The following ARHGAP24 variants were observed in gnomAD, a reference collection of about 807,000 sequenced individuals.
The protein encoded by ARHGAP24 is Rho GTPase activating protein 24.
Under a neutral mutation model 76.4 loss-of-function variants are expected in ARHGAP24, and 50 were observed. The ratio of observed to expected loss-of-function variants is 0.65; its 90% CI spans 0.52 to 0.83. The LOEUF is 0.83. ARHGAP24 is among the 40% of genes least tolerant of loss of function. The pLI is 0.00. For missense variants in ARHGAP24, 930 were observed against 914.2 expected, an observed-to-expected ratio of 1.02 and a Z score of -0.22; for synonymous variants, 345 against 323.3, an observed-to-expected ratio of 1.07 and a Z score of -0.72.
At chr4:85,928,956 G>T (rs781257837) in intron 4 of ARHGAP24, among the ~76,000 whole-genome samples, 2 of 152,210 alleles carry the variant, frequency 1.3e-5, no homozygotes, top group Admixed American at 1.3e-4. Flanking sequence ...AAGAGGCAAC[G>T]TGGTCAGGCA....
chr4:85,825,428 T>C (rs1461419437), intron 3 of ARHGAP24, among the ~76,000 whole-genome samples: 1 of 152,160 alleles, frequency 6.6e-6, no homozygotes, highest in Non-Finnish European at 1.5e-5. Context: ...TGTACTATAT[T>C]CCACACTACA....
intron 2 of ARHGAP24, among the ~76,000 whole-genome samples, chr4:85,688,414 T>C (rs1456844498): frequency 2.0e-5 from 3 of 152,166 alleles, no homozygotes; most frequent in Non-Finnish European, 2.9e-5. Flanking sequence ...TTTTTTTAAA[T>C]GGGATTATTT....
intron 3 of ARHGAP24, among the ~76,000 whole-genome samples, chr4:85,875,800 G>A (rs1732896857): frequency 6.7e-6 from 1 of 149,698 alleles, no homozygotes; most frequent in Non-Finnish European, 1.5e-5. Flanking sequence ...GGAGTGCAGT[G>A]GCACAATCTC....
chr4:85,983,574 C>G (rs1378448447), intron 8 of ARHGAP24, among the ~76,000 whole-genome samples: 1 of 152,158 alleles, frequency 6.6e-6, no homozygotes. Flanking sequence ...AGACGCTTCT[C>G]AAAAGAAGAT....
At chr4:85,748,161 T>C (rs909915746) in intron 3 of ARHGAP24, among the ~76,000 whole-genome samples, 3 of 152,250 alleles carry the variant, frequency 2.0e-5, no homozygotes, top group Admixed American at 1.3e-4. Flanking sequence ...GCTTTTGGCT[T>C]TGATGTCTTT....
chr4:85,760,315 T>C (rs72656289), intron 3 of ARHGAP24, among the ~76,000 whole-genome samples: 11,380 of 152,254 alleles, frequency 0.075, 488 homozygotes, highest in Middle Eastern at 0.099. Context: ...CTGAGATCTA[T>C]AGTAATATTA....
intron 3 of ARHGAP24, among the ~76,000 whole-genome samples, chr4:85,797,468 C>T (rs982954201): frequency 2.6e-5 from 4 of 152,202 alleles, no homozygotes; most frequent in South Asian, 4.1e-4. Context: ...CCACTGCGCC[C>T]GGCCGGCAAA....
intron 2 of ARHGAP24, among the ~76,000 whole-genome samples, chr4:85,606,680 GGTAA>G (rs1720206582): frequency 6.6e-6 from 1 of 151,936 alleles, no homozygotes; most frequent in Non-Finnish European, 1.5e-5. Context: ...GCAAATATTG[GGTAA>G]GTATGAACTA....
chr4:85,932,793 C>G (rs1409074674), intron 4 of ARHGAP24, among the ~76,000 whole-genome samples: 1 of 152,190 alleles, frequency 6.6e-6, no homozygotes, highest in Non-Finnish European at 1.5e-5. Context: ...AGCGGTTTTA[C>G]GCTTCCTTTC....
At chr4:85,653,988 A>AATTAT (rs1722041107) in intron 2 of ARHGAP24, among the ~76,000 whole-genome samples, 1 of 151,910 alleles carries the variant, frequency 6.6e-6, no homozygotes, top group Admixed American at 6.6e-5. Context: ...TTATTATTAT[A>AATTAT]ATTATAATAG....
chr4:85,547,563 G>T (rs1397833825), intron 1 of ARHGAP24, among the ~76,000 whole-genome samples: 2 of 152,052 alleles, frequency 1.3e-5, no homozygotes, highest in African/African-American at 4.8e-5. Flanking sequence ...AGCCTCTTGA[G>T]TAGCTGAGAC....
intron 3 of ARHGAP24, among the ~76,000 whole-genome samples, chr4:85,781,405 GA>G (rs200214798): frequency 7.9e-5 from 12 of 152,100 alleles, no homozygotes; most frequent in East Asian, 1.9e-4. Context: ...CTCTACAAAA[GA>G]AAAAAACTGG....
intron 3 of ARHGAP24, among the ~76,000 whole-genome samples, chr4:85,798,937 T>C (rs1267712433): frequency 6.6e-6 from 1 of 152,092 alleles, no homozygotes; most frequent in Non-Finnish European, 1.5e-5. Flanking sequence ...AATATTAGGC[T>C]TTAAAAGCAA....
At chr4:85,548,867 C>T (rs185272337) in intron 1 of ARHGAP24, among the ~76,000 whole-genome samples, 73 of 152,262 alleles carry the variant, frequency 4.8e-4, no homozygotes, top group African/African-American at 1.6e-3. Flanking sequence ...ATTTCTATCA[C>T]TATAGGCTAG....
At chr4:85,927,312 G>A (rs575576850) in intron 4 of ARHGAP24, among the ~76,000 whole-genome samples, 1 of 152,074 alleles carries the variant, frequency 6.6e-6, no homozygotes, top group Non-Finnish European at 1.5e-5. Flanking sequence ...AAATAGATTC[G>A]TGGTTGCTTA....
chr4:85,959,658 G>A (rs1361340022), intron 5 of ARHGAP24, among the ~76,000 whole-genome samples: 2 of 152,084 alleles, frequency 1.3e-5, no homozygotes, highest in South Asian at 2.1e-4. Flanking sequence ...TAAGATTTCC[G>A]TGATTCGTGT....
intron 2 of ARHGAP24, among the ~76,000 whole-genome samples, chr4:85,576,273 A>C (rs2109967756): frequency 6.6e-6 from 1 of 152,164 alleles, no homozygotes; most frequent in Non-Finnish European, 1.5e-5. Flanking sequence ...AAAAATACAA[A>C]AACAAAATTA....
At position 85,665,148 on chromosome 4, in the gene ARHGAP24, T is replaced by C. The variant is rs1473127592; in HGVS notation, c.181-56737T>C. Among the ~76,000 whole-genome samples the C allele has an allele frequency of 1.1e-4, 16 of 152,304 alleles. No homozygotes were observed. In the East Asian group the frequency reaches 3.1e-3, roughly 29 times the overall value. On this transcript the variant is annotated intron_variant, in intron 2 of 9. Coordinates refer to ENST00000395184, the MANE Select transcript of ARHGAP24 (RefSeq NM_001025616.3). ...CTCCCATTATTATTGTGTGGGAGTCTAAGTTTCTTTGTAGGTCACTAAGGA... is the reference window on the plus strand; with the variant it reads ...CTCCCATTATTATTGTGTGGGAGTCCAAGTTTCTTTGTAGGTCACTAAGGA...
chr4:85,759,735 G>A (rs1726664546), intron 3 of ARHGAP24, among the ~76,000 whole-genome samples: 1 of 152,164 alleles, frequency 6.6e-6, no homozygotes, highest in Non-Finnish European at 1.5e-5. Context: ...GGAATGGAAA[G>A]AAGGGTGGTA....
Sources: allele counts gnomAD v4.1 joint callset (sites outside exome capture counted in the v4.1 genomes callset), GRCh38; gene constraint gnomAD v4.1.1; transcripts MANE v1.5; gene names NCBI Gene and HGNC (gene_info 2026-07-23, HGNC 2026-07-21).